The following NUDT5 variants were observed in gnomAD, a reference collection of about 807,000 sequenced individuals.
The protein encoded by NUDT5 is ADP-sugar pyrophosphatase.
A neutral mutation model predicts 34.1 loss-of-function variants in NUDT5; 21 were observed. The observed-to-expected ratio is 0.62, with a 90% CI of 0.44 to 0.89. The LOEUF (loss-of-function observed/expected upper bound fraction) is 0.89. NUDT5 is among the 40% of genes least tolerant of loss of function. The probability of loss-of-function intolerance (pLI) is 0.00; values close to 1 mark genes in which losing one functional copy is unlikely to be tolerated. For missense variants in NUDT5, 249 were observed against 274.8 expected, an observed-to-expected ratio of 0.91 and a Z score of 0.66; for synonymous variants, 85 against 97.6, an observed-to-expected ratio of 0.87 and a Z score of 0.76.
rs1206397927 is a variant in NUDT5, at chr10:12,177,657, C to T, written c.289+136G>A. 2.9e-5 allele frequency: 19 copies of T among 662,838 alleles called. No individual in the cohort carries two copies. In the East Asian group the frequency reaches 3.9e-4, roughly 14 times the overall value. The allele number at this position is 662,838 out of a possible 1,614,324, so 41.1% of individuals were successfully genotyped here. A position where few individuals can be genotyped will look rare whatever the true frequency, so the allele number is the denominator to read the frequency against. ...GTGTCCTGGGGGCCTGGAGGAGCCT[C>T]GCTACGAAATGGTTTAGTTTTACTT... On this transcript the variant is annotated intron_variant, in intron 5 of 9. Coordinates refer to ENST00000491614, the MANE Select transcript of NUDT5 (RefSeq NM_014142.4).
At position 12,166,152 on chromosome 10, in the gene NUDT5, T is replaced by C. The variant is rs2131689325; in HGVS notation, c.*1550A>G. 6.6e-6 allele frequency: 1 copy of C among 152,406 alleles called. No individual in the cohort carries two copies. Among genetic ancestry groups the C allele is most frequent in the East Asian group, 1.9e-4 (1 of 5,188 alleles). The allele number at this position is 152,406 out of a possible 1,614,324, so 9.4% of individuals were successfully genotyped here. On this transcript the variant is annotated 3_prime_UTR_variant, in exon 10 of 10. Transcript: ENST00000491614. Reference sequence around the variant, plus strand: ...TGCACTCTTAGGAAGAAGGAGAGGATAAGCTTAGGTCAGCTGCAGAGGTCA... The same window carrying C: ...TGCACTCTTAGGAAGAAGGAGAGGACAAGCTTAGGTCAGCTGCAGAGGTCA...
chr10:12,169,224 C>T lies in NUDT5; in HGVS notation c.551-1413G>A, dbSNP rs911047557. 1.4e-6 allele frequency: 2 copies of T among 1,445,276 alleles called. No individual in the cohort carries two copies. The highest frequency in any genetic ancestry group is 2.8e-5 in the African/African-American group (2 of 70,770). 89.5% of individuals were successfully genotyped at this position (1,445,276 alleles called of 1,614,324 possible). A position where few individuals can be genotyped will look rare whatever the true frequency, so the allele number is the denominator to read the frequency against. On this transcript the variant is annotated intron_variant, in intron 9 of 9. Transcript: ENST00000491614. The surrounding 1 kb of genome is among the most constrained non-coding windows in gnomAD (Gnocchi z 4.8). ...CATAGTAGCCCTCTCTCCACCTCCC[C>T]TCACTTATTCTATTTTTTTCTCCCT...
chr10:12,169,287 G>C lies in NUDT5; in HGVS notation c.550+1430C>G. ...AAAGTGAAGTTAAGAAGGTGGAAGGGAGAAGGAAGACATTTTACAAAAAGG... is the reference window on the plus strand; with the variant it reads ...AAAGTGAAGTTAAGAAGGTGGAAGGCAGAAGGAAGACATTTTACAAAAAGG... On this transcript the variant is annotated intron_variant, in intron 9 of 9. Coordinates refer to ENST00000491614, the MANE Select transcript of NUDT5 (RefSeq NM_014142.4). This position sits in a 1 kb window ranked among gnomAD's most constrained non-coding sequence, Gnocchi z 4.8. 1 of 1,554,616 alleles carries C rather than the reference G, an allele frequency of 6.4e-7. No individual in the cohort carries two copies. The highest frequency in any genetic ancestry group is 8.7e-7 in the Non-Finnish European group (1 of 1,148,008).
Position 12,179,144 on chromosome 10 carries a change from G to A in NUDT5, c.132-12C>T, listed in dbSNP as rs771725877. On this transcript the variant is annotated splice_polypyrimidine_tract_variant and intron_variant, in intron 3 of 9. Transcript: ENST00000491614. ...CTGATTCCCAAGTTCTGTTCAGGCA[G>A]AGAAGAAAAAAAAGTCATTAGTGCT... is the stretch of plus-strand genomic sequence containing the variant. The A allele has an allele frequency of 1.9e-6, 3 of 1,608,636 alleles. No homozygotes were observed. Among genetic ancestry groups the A allele is most frequent in the South Asian group, 2.2e-5 (2 of 89,946 alleles).
In NUDT5 at chr10:12,167,705, A is replaced by T; in HGVS notation, c.657T>A (p.Phe219Leu). 1 of 1,614,084 alleles carries T rather than the reference A, an allele frequency of 6.2e-7. No individual in the cohort carries two copies. Among genetic ancestry groups the T allele is most frequent in the Non-Finnish European group, 8.5e-7 (1 of 1,179,980 alleles). The change falls in exon 10 of 10, where the codon TTT becomes TTA. Residue 219 changes from phenylalanine (F) to leucine (L), a missense_variant. Coordinates refer to ENST00000491614, the MANE Select transcript of NUDT5 (RefSeq NM_014142.4). ...AKPFEVPFLK[F>L] ...ATGGCCAGTGTCATATTTGGGCTTA[A>T]AATTTCAAGAAGGGCACTTCAAATG...
rs146140697 is a variant in NUDT5 at position 12,181,653 on chromosome 10, T to C, written c.132-2521A>G. On this transcript the variant is annotated intron_variant, in intron 3 of 9. Transcript: ENST00000491614. The surrounding 1 kb of genome is among the most constrained non-coding windows in gnomAD (Gnocchi z 5.0). ...GCCATTTCATGACCCTCTGTGGGAG[T>C]ACCTGCAGAGGGAAGTCGCCGTGTG... Among the ~76,000 whole-genome samples, 129 of 151,724 alleles carry C rather than the reference T, an allele frequency of 8.5e-4. No individual in the cohort carries two copies. Among genetic ancestry groups the C allele is most frequent in the African/African-American group, 3.0e-3 (122 of 41,334 alleles).
At chr10:12,172,542 A>G in intron 7 of NUDT5, 2 of 581,704 alleles carry the variant, frequency 3.4e-6, no homozygotes, top group Non-Finnish European at 6.2e-6. Flanking sequence ...GAAATATGTC[A>G]TTTAACATTT....
intron 5 of NUDT5, among the ~76,000 whole-genome samples, chr10:12,177,279 C>G (rs190332399): frequency 2.6e-5 from 4 of 152,078 alleles, no homozygotes; most frequent in Admixed American, 6.6e-5. Flanking sequence ...CAGCACTTTG[C>G]GAGGCCAAGG....
At position 12,170,050 on chromosome 10, in the gene NUDT5, T is replaced by G. The variant is rs926866225; in HGVS notation, c.550+667A>C. On this transcript the variant is annotated intron_variant, in intron 9 of 9. Transcript: ENST00000491614. This position sits in a 1 kb window ranked among gnomAD's most constrained non-coding sequence, Gnocchi z 4.9. ...GGGCCCATGGTATGTCTCCATACAG[T>G]ATCTCCTCGTCTCCACACAGTATCT... 2.6e-6 allele frequency: 4 copies of G among 1,525,958 alleles called. No individual in the cohort carries two copies. The African/African-American group carries it at 5.5e-5, about 21-fold the overall frequency. The allele number at this position is 1,525,958 out of a possible 1,614,324, so 94.5% of individuals were successfully genotyped here.
rs1352896016 is a variant in NUDT5, at chr10:12,181,832, A to T, written c.132-2700T>A. Among the ~76,000 whole-genome samples, 1 of 151,874 alleles carries T rather than the reference A, an allele frequency of 6.6e-6. No individual in the cohort carries two copies. The highest frequency in any genetic ancestry group is 2.4e-5 in the African/African-American group (1 of 41,296). On this transcript the variant is annotated intron_variant, in intron 3 of 9. Transcript: ENST00000491614. The surrounding 1 kb of genome is among the most constrained non-coding windows in gnomAD (Gnocchi z 5.0). The stretch of plus-strand genomic sequence containing the variant: ...TGTCTCTACTAAAAAAATAAAAATT[A>T]AATAAATTTAAAAAAAAAGGATATG...
Position 12,168,546 on chromosome 10 carries a change from C to T in NUDT5, c.551-735G>A, listed in dbSNP as rs552398415. 3.3e-5 allele frequency among the ~76,000 whole-genome samples: 5 copies of T among 152,240 alleles called. No homozygotes were observed. The highest frequency in any genetic ancestry group is 2.1e-4 in the South Asian group (1 of 4,824). On this transcript the variant is annotated intron_variant, in intron 9 of 9. Coordinates refer to ENST00000491614, the MANE Select transcript of NUDT5 (RefSeq NM_014142.4). The surrounding 1 kb of genome is among the most constrained non-coding windows in gnomAD (Gnocchi z 4.8). ...GACTGGAGATCTACTACCAAGAATG[C>T]GGTCTCAGGACCTTATTACCACAGG...
intron 1 of NUDT5, among the ~76,000 whole-genome samples, chr10:12,186,878 T>C (rs1182191347): frequency 6.6e-6 from 1 of 152,082 alleles, no homozygotes; most frequent in Non-Finnish European, 1.5e-5. Context: ...CTGCCCTCCT[T>C]GGCCTCCCAA....
At chr10:12,172,320 A>T (rs906223775) in intron 7 of NUDT5, among the ~76,000 whole-genome samples, 4 of 151,928 alleles carry the variant, frequency 2.6e-5, no homozygotes, top group African/African-American at 9.7e-5. Context: ...TCATTCTGTC[A>T]CAGAGTGGCA....
In NUDT5 at chr10:12,169,566, A is replaced by G. The variant is rs1292471307; in HGVS notation, c.550+1151T>C. 7.0e-6 allele frequency: 3 copies of G among 431,224 alleles called. No individual in the cohort carries two copies. Among genetic ancestry groups the G allele is most frequent in the Non-Finnish European group, 8.3e-6 (2 of 242,050 alleles). The allele number at this position is 431,224 out of a possible 1,614,324, so 26.7% of individuals were successfully genotyped here. On this transcript the variant is annotated intron_variant, in intron 9 of 9. Transcript: ENST00000491614. The surrounding 1 kb of genome is among the most constrained non-coding windows in gnomAD (Gnocchi z 4.8). ...GCCTTTCTCCAAATACGCACCAGATAAACTATTGTATCTATTCAGTATGAT... is the reference window on the plus strand; with the variant it reads ...GCCTTTCTCCAAATACGCACCAGATGAACTATTGTATCTATTCAGTATGAT...
Position 12,170,883 on chromosome 10 carries a change from G to C in NUDT5, c.496+17C>G, listed in dbSNP as rs749239824. 6.2e-7 allele frequency: 1 copy of C among 1,613,916 alleles called. No individual in the cohort carries two copies. Among genetic ancestry groups the C allele is most frequent in the Non-Finnish European group, 8.5e-7 (1 of 1,179,902 alleles). ...CTAAGTCATACACGCTCGGCCACCA[G>C]GAGTTGCAGAACATACCTCCATCCC... On this transcript the variant is annotated intron_variant, in intron 8 of 9. Coordinates refer to ENST00000491614, the MANE Select transcript of NUDT5 (RefSeq NM_014142.4). The surrounding 1 kb of genome is among the most constrained non-coding windows in gnomAD (Gnocchi z 4.9).
At chr10:12,193,065 A>C (rs750187065) in intron 1 of NUDT5, among the ~76,000 whole-genome samples, 5 of 152,106 alleles carry the variant, frequency 3.3e-5, no homozygotes, top group Non-Finnish European at 5.9e-5. Flanking sequence ...AAATCCTCAC[A>C]TTTAATGCTG....
chr10:12,191,041 A>T (rs1835218265), intron 1 of NUDT5, among the ~76,000 whole-genome samples: 3 of 152,172 alleles, frequency 2.0e-5, no homozygotes. Context: ...TTCTGAGTGT[A>T]TGGCGAGCTC....
rs892958021 is a variant in NUDT5 at position 12,175,585 on chromosome 10, T to C, written c.290-1772A>G. Among the ~76,000 whole-genome samples the C allele has an allele frequency of 6.6e-6, 1 of 152,078 alleles. No individual in the cohort carries two copies. The highest frequency in any genetic ancestry group is 2.4e-5 in the African/African-American group (1 of 41,406). ...TGAGCCCAGAAGGTCAAGGCTGCAG[T>C]GAGCTGTGATTGTGCCACTGCACTC... On this transcript the variant is annotated intron_variant, in intron 5 of 9. Coordinates refer to ENST00000491614, the MANE Select transcript of NUDT5 (RefSeq NM_014142.4). The surrounding 1 kb of genome is among the most constrained non-coding windows in gnomAD (Gnocchi z 4.8).
intron 1 of NUDT5, among the ~76,000 whole-genome samples, chr10:12,195,348 A>G (rs753635164): frequency 1.3e-5 from 2 of 152,162 alleles, no homozygotes; most frequent in Non-Finnish European, 2.9e-5. Context: ...CCAGGTTGAC[A>G]ACTTTTGCGA....
Sources: allele counts gnomAD v4.1 joint callset (sites outside exome capture counted in the v4.1 genomes callset), GRCh38; gene constraint gnomAD v4.1.1; non-coding constraint Gnocchi (gnomAD v3.1); transcripts MANE v1.5; gene names NCBI Gene and HGNC (gene_info 2026-07-23, HGNC 2026-07-21).